The following ADAMTSL3 variants were observed in gnomAD, a reference collection of about 807,000 sequenced individuals.
ADAMTSL3 encodes the protein ADAMTS like 3.
A neutral mutation model predicts 201.7 loss-of-function variants in ADAMTSL3; 128 were observed. That is an observed-to-expected ratio of 0.63 (90% CI 0.55 to 0.73). The LOEUF (loss-of-function observed/expected upper bound fraction) is 0.73. Ranked by LOEUF, ADAMTSL3 falls within the 30% of genes least tolerant of loss-of-function variation. The pLI is 0.00. For synonymous variants in ADAMTSL3, 738 were observed against 748.4 expected (o/e 0.99, Z 0.23); for missense variants, 1,990 against 2,119.6 (o/e 0.94, Z 1.20).
chr15:83,944,597 A>G (rs887543238), intron 19 of ADAMTSL3, among the ~76,000 whole-genome samples: 7 of 152,204 alleles, frequency 4.6e-5, no homozygotes, highest in African/African-American at 1.4e-4. Context: ...GATGAGAAAA[A>G]CAGAGGTTCA....
chr15:84,018,505 T>C (rs2068129873), intron 25 of ADAMTSL3, among the ~76,000 whole-genome samples: 1 of 152,204 alleles, frequency 6.6e-6, no homozygotes, highest in Non-Finnish European at 1.5e-5. Flanking sequence ...AGGAAGCCAC[T>C]TTAGTGAAGA....
intron 8 of ADAMTSL3, among the ~76,000 whole-genome samples, chr15:83,865,644 T>C (rs970516450): frequency 1.3e-5 from 2 of 152,170 alleles, no homozygotes; most frequent in Non-Finnish European, 2.9e-5. Context: ...ATGTTTGACC[T>C]AAAACCATAA....
chr15:83,743,286 G>C (rs2062486228), intron 3 of ADAMTSL3, among the ~76,000 whole-genome samples: 1 of 151,916 alleles, frequency 6.6e-6, no homozygotes, highest in Admixed American at 6.6e-5. Flanking sequence ...GGCCGAGGCG[G>C]GTGGATCATG....
intron 21 of ADAMTSL3, among the ~76,000 whole-genome samples, chr15:83,985,111 C>G (rs2067450998): frequency 6.6e-6 from 1 of 151,968 alleles, no homozygotes; most frequent in African/African-American, 2.4e-5. Context: ...TTTTTTAACA[C>G]CATACATTGG....
chr15:84,018,477 G>GAGA (rs1567305588), intron 25 of ADAMTSL3, among the ~76,000 whole-genome samples: 1 of 152,198 alleles, frequency 6.6e-6, no homozygotes. Context: ...TAAGGGCTAT[G>GAGA]AGATACACAG....
rs116963213 is a variant in ADAMTSL3 at position 83,920,262 on chromosome 15, T to C, written c.1988-3642T>C. Among the ~76,000 whole-genome samples the C allele has an allele frequency of 4.6e-5, 7 of 152,302 alleles. No homozygotes were observed. In the East Asian group the frequency reaches 9.7e-4, roughly 21 times the overall value. On this transcript the variant is annotated intron_variant, in intron 16 of 29. Transcript: ENST00000286744. ...TACATTAGCAACTGCCGTTTTGTTT[T>C]CTCCAAATCCCTTCAAATCATGACA...
chr15:83,970,269 A>G (rs1050592624), intron 19 of ADAMTSL3, among the ~76,000 whole-genome samples: 10 of 151,616 alleles, frequency 6.6e-5, no homozygotes, highest in Admixed American at 4.6e-4. Flanking sequence ...AAAAAGAGAA[A>G]GAAAGAAAGG....
At chr15:83,723,392 T>C (rs2062128983) in intron 3 of ADAMTSL3, among the ~76,000 whole-genome samples, 1 of 152,236 alleles carries the variant, frequency 6.6e-6, no homozygotes, top group Non-Finnish European at 1.5e-5. Context: ...TTTTGCAACA[T>C]GTATTAAGAA....
At chr15:83,863,289 C>A (rs1441052133) in intron 8 of ADAMTSL3, among the ~76,000 whole-genome samples, 1 of 152,170 alleles carries the variant, frequency 6.6e-6, no homozygotes, top group Non-Finnish European at 1.5e-5. Context: ...ATCTACCGAA[C>A]TCTCCACCCC....
intron 3 of ADAMTSL3, among the ~76,000 whole-genome samples, chr15:83,763,061 A>AT (rs1056036243): frequency 2.0e-5 from 3 of 151,862 alleles, no homozygotes; most frequent in Non-Finnish European, 2.9e-5. Flanking sequence ...TAATTTTTGT[A>AT]TTTTTTTAGT....
intron 23 of ADAMTSL3, among the ~76,000 whole-genome samples, chr15:84,013,411 C>T (rs992386171): frequency 6.6e-6 from 1 of 152,200 alleles, no homozygotes; most frequent in African/African-American, 2.4e-5. Flanking sequence ...ATGGCTTCTC[C>T]ATTCTCACTA....
chr15:83,768,027 G>T (rs1010946778), intron 3 of ADAMTSL3, among the ~76,000 whole-genome samples: 4 of 152,156 alleles, frequency 2.6e-5, no homozygotes. Flanking sequence ...ATCTCAACAG[G>T]CTGGTATTCT....
intron 7 of ADAMTSL3, among the ~76,000 whole-genome samples, chr15:83,852,646 C>T (rs6602997): frequency 0.79 from 119,839 of 152,134 alleles, 48,028 homozygotes; most frequent in East Asian, 1. Context: ...CTGATCAATT[C>T]TCCTGCTAAT....
intron 14 of ADAMTSL3, among the ~76,000 whole-genome samples, chr15:83,899,410 AAC>A: frequency 1.1e-5 from 1 of 87,388 alleles, no homozygotes; most frequent in African/African-American, 7.3e-5. Context: ...CAGCATTTTC[AAC>A]TGTATCATGT....
rs183397803 is a variant in ADAMTSL3, at chr15:83,930,394, G to A, written c.2117+6361G>A. Among the ~76,000 whole-genome samples, 21 of 152,328 alleles carry A rather than the reference G, an allele frequency of 1.4e-4. No individual in the cohort carries two copies. In the East Asian group the frequency reaches 1.7e-3, roughly 13 times the overall value. On this transcript the variant is annotated intron_variant, in intron 17 of 29. Coordinates refer to ENST00000286744, the MANE Select transcript of ADAMTSL3 (RefSeq NM_207517.3). ...GGTTTGACCTGCCCAGGAGGTCAAG[G>A]CAGGGTTGAGTTTAGTCAGTGCTCT...
chr15:83,967,023 A>G (rs1455882977), intron 19 of ADAMTSL3, among the ~76,000 whole-genome samples: 4 of 152,192 alleles, frequency 2.6e-5, no homozygotes, highest in African/African-American at 9.6e-5. Context: ...GTATTGATGA[A>G]ATGTATCTCA....
At chr15:84,013,369 C>T (rs2068036677) in intron 23 of ADAMTSL3, among the ~76,000 whole-genome samples, 1 of 152,194 alleles carries the variant, frequency 6.6e-6, no homozygotes, top group South Asian at 2.1e-4. Flanking sequence ...TAATAGCGGT[C>T]GCATCTATTT....
intron 3 of ADAMTSL3, among the ~76,000 whole-genome samples, chr15:83,736,994 T>C (rs1213063533): frequency 2.0e-5 from 3 of 152,154 alleles, no homozygotes; most frequent in African/African-American, 7.2e-5. Flanking sequence ...GAAACAGAGC[T>C]ACCAAAGGAA....
chr15:83,961,809 A>G (rs918907015), intron 19 of ADAMTSL3: 1 of 152,236 alleles, frequency 6.6e-6, no homozygotes, highest in Non-Finnish European at 1.5e-5. Context: ...AAGGTGGGAG[A>G]TGAGTAATAA....
Sources: gnomAD v4.1 joint callset for allele counts (sites outside exome capture counted in the v4.1 genomes callset) on GRCh38, gnomAD v4.1.1 for gene constraint, MANE v1.5 for transcripts, NCBI Gene and HGNC (gene_info 2026-07-23, HGNC 2026-07-21) for gene names.